The following ISCA2 variants were observed in gnomAD, a reference collection of about 807,000 sequenced individuals.
ISCA2 encodes the protein iron-sulfur cluster assembly 2 homolog, mitochondrial.
ISCA2 carries 21 observed loss-of-function variants against 19.1 expected under a neutral mutation model. The ratio of observed to expected loss-of-function variants is 1.10; its 90% CI spans 0.78 to 1.59. The LOEUF is 1.59. Among genes scored for constraint, ISCA2 ranks in the 40% most tolerant of loss-of-function variants. The pLI is 0.00. For synonymous variants in ISCA2, 107 were observed against 83.8 expected, an observed-to-expected ratio of 1.28 and a Z score of -1.51; for missense variants, 181 against 191.7, an observed-to-expected ratio of 0.94 and a Z score of 0.33.
At position 74,494,342 on chromosome 14, in the gene ISCA2, G is replaced by C; in HGVS notation, c.242G>C (p.Gly81Ala). The C allele has an allele frequency of 6.2e-7, 1 of 1,614,204 alleles. No individual in the cohort carries two copies. The highest frequency in any genetic ancestry group is 8.5e-7 in the Non-Finnish European group (1 of 1,180,026). ...RLQVEGGGCS[G>A]FQYKFSLDTV... The stretch of plus-strand genomic sequence containing the variant: ...CAAGTGGAGGGAGGTGGATGCTCCG[G>C]ATTCCAATACAAATTTTCACTGGAT... Residue 81 changes from glycine to alanine, a missense_variant, in exon 3 of 4, where the codon GGA becomes GCA. Transcript: ENST00000556816.
Position 74,496,296 on chromosome 14 carries a change from T to A in ISCA2, c.*1296T>A, listed in dbSNP as rs2086845803. The A allele has an allele frequency of 6.6e-6, 1 of 152,218 alleles. No homozygotes were observed. Among genetic ancestry groups the A allele is most frequent in the Admixed American group, 6.5e-5 (1 of 15,270 alleles). The allele number at this position is 152,218 out of a possible 1,614,324, so 9.4% of individuals were successfully genotyped here. On this transcript the variant is annotated 3_prime_UTR_variant, in exon 4 of 4. Coordinates refer to ENST00000556816, the MANE Select transcript of ISCA2 (RefSeq NM_194279.4). ...TGCACTGGATTGGAATTAAGGTCAT[T>A]TAGTAAGAATTTACTATTTAAAAAA...
rs564630404 is a variant in ISCA2, at chr14:74,495,556, C to T, written c.*556C>T. 1 of 152,232 alleles carries T rather than the reference C, an allele frequency of 6.6e-6. No homozygotes were observed. The highest frequency in any genetic ancestry group is 2.4e-5 in the African/African-American group (1 of 41,432). The allele number at this position is 152,232 out of a possible 1,614,324, so 9.4% of individuals were successfully genotyped here. ...TTTGATAGGACAGATACATTTTACT[C>T]TCATGCTCGTGGATCTGCTATGAGT... is the stretch of plus-strand genomic sequence containing the variant. On this transcript the variant is annotated 3_prime_UTR_variant, in exon 4 of 4. Transcript: ENST00000556816.
At position 74,495,547 on chromosome 14, in the gene ISCA2, C is replaced by T. The variant is rs894993813; in HGVS notation, c.*547C>T. ...CACTTCCTGTTTGATAGGACAGATA[C>T]ATTTTACTCTCATGCTCGTGGATCT... On this transcript the variant is annotated 3_prime_UTR_variant, in exon 4 of 4. Coordinates refer to ENST00000556816, the MANE Select transcript of ISCA2 (RefSeq NM_194279.4). 6.6e-6 allele frequency: 1 copy of T among 152,260 alleles called. No homozygotes were observed. The allele number at this position is 152,260 out of a possible 1,614,324, so 9.4% of individuals were successfully genotyped here. A position where few individuals can be genotyped will look rare whatever the true frequency, so the allele number is the denominator to read the frequency against.
chr14:74,494,767 CAG>C, intron 3 of ISCA2, 57 bp from the exon 4 acceptor site: 1 of 1,483,542 alleles, frequency 6.7e-7, no homozygotes, highest in East Asian at 2.3e-5. Context: ...CCTCTGGGCT[CAG>C]GGGGTGTCTT....
rs925358173 is a variant in ISCA2 at position 74,494,964 on chromosome 14, C to G, written c.429C>G (p.Gly143=). ...QVLNNPQAQQ[G]CSCGSSFSIK... ...TGAACAATCCTCAAGCACAGCAAGGCTGCTCCTGTGGGTCATCTTTCTCTA... is the reference window on the plus strand; with the variant it reads ...TGAACAATCCTCAAGCACAGCAAGGGTGCTCCTGTGGGTCATCTTTCTCTA... The change falls in exon 4 of 4, where the codon GGC becomes GGG. Residue 143 remains glycine (G), a synonymous_variant. Coordinates refer to ENST00000556816, the MANE Select transcript of ISCA2 (RefSeq NM_194279.4). 4 of 1,613,368 alleles carry G rather than the reference C, an allele frequency of 2.5e-6. No individual in the cohort carries two copies. The highest frequency in any genetic ancestry group is 2.5e-6 in the Non-Finnish European group (3 of 1,179,970).
chr14:74,494,722 G>A, intron 3 of ISCA2, 104 bp from the exon 4 acceptor site: 1 of 968,110 alleles, frequency 1.0e-6, no homozygotes, highest in South Asian at 1.6e-5. Context: ...TAATGGGGAA[G>A]CTCCCTCTGT....
rs1254968232 is a variant in ISCA2, at chr14:74,494,100, C to T, written c.122C>T (p.Ser41Phe). The T allele has an allele frequency of 7.6e-6, 12 of 1,571,924 alleles. No individual in the cohort carries two copies. The highest frequency in any genetic ancestry group is 1.8e-5 in the Admixed American group (1 of 54,886). Residue 41 changes from serine (S) to phenylalanine (F), a missense_variant, in exon 2 of 4, where the codon TCC (serine) becomes TTC (phenylalanine). Coordinates refer to ENST00000556816, the MANE Select transcript of ISCA2 (RefSeq NM_194279.4). ...GPQARREASS[S>F]SPEAGEGQIR... ...CAGGCGCGTCGGGAGGCGTCGTCCTCCAGCCCCGAGGCCGGCGAAGGGCAG... is the reference window on the plus strand; with the variant it reads ...CAGGCGCGTCGGGAGGCGTCGTCCTTCAGCCCCGAGGCCGGCGAAGGGCAG...
Position 74,495,618 on chromosome 14 carries a change from C to A in ISCA2, c.*618C>A, listed in dbSNP as rs1029656034. The A allele has an allele frequency of 6.6e-6, 1 of 152,166 alleles. No individual in the cohort carries two copies. The highest frequency in any genetic ancestry group is 1.5e-5 in the Non-Finnish European group (1 of 68,038). The allele number at this position is 152,166 out of a possible 1,614,324, so 9.4% of individuals were successfully genotyped here. A position where few individuals can be genotyped will look rare whatever the true frequency, so the allele number is the denominator to read the frequency against. On this transcript the variant is annotated 3_prime_UTR_variant, in exon 4 of 4. Coordinates refer to ENST00000556816, the MANE Select transcript of ISCA2 (RefSeq NM_194279.4). ...GAGCCCGTTACCCAGAAAACTTGGA[C>A]CAAACCCTCACTGATAGTGAATTAT...
rs934384792 is a variant in ISCA2 at position 74,493,766 on chromosome 14, T to G, written c.-9T>G. 3 of 1,514,572 alleles carry G rather than the reference T, an allele frequency of 2.0e-6. No individual in the cohort carries two copies. The highest frequency in any genetic ancestry group is 2.6e-5 in the Admixed American group (1 of 38,838). The allele number at this position is 1,514,572 out of a possible 1,614,324, so 93.8% of individuals were successfully genotyped here. On this transcript the variant is annotated 5_prime_UTR_variant, in exon 1 of 4. Coordinates refer to ENST00000556816, the MANE Select transcript of ISCA2 (RefSeq NM_194279.4). This position sits in a 1 kb window ranked among gnomAD's most constrained non-coding sequence, Gnocchi z 4.1. ...GGGGAGACGCGAGGGGCGGAGCTTG[T>G]GGAGGAAGATGGCTGCCGCCTGGGG...
chr14:74,496,183 C>G lies in ISCA2; in HGVS notation c.*1183C>G, dbSNP rs1421866873. Reference sequence around the variant, plus strand: ...ATTAATACTGATGTTGGAGAAACTACAACCAAGTTGATTCTGGAAGAGTTA... The same window carrying G: ...ATTAATACTGATGTTGGAGAAACTAGAACCAAGTTGATTCTGGAAGAGTTA... On this transcript the variant is annotated 3_prime_UTR_variant, in exon 4 of 4. Transcript: ENST00000556816. 6.6e-6 allele frequency: 1 copy of G among 152,212 alleles called. No homozygotes were observed. Among genetic ancestry groups the G allele is most frequent in the African/African-American group, 2.4e-5 (1 of 41,458 alleles). 9.4% of individuals were successfully genotyped at this position (152,212 alleles called of 1,614,324 possible).
intron 3 of ISCA2, 165 bp downstream of exon 3, chr14:74,494,555 A>G: frequency 1.5e-6 from 1 of 650,960 alleles, no homozygotes; most frequent in Non-Finnish European, 2.7e-6. Flanking sequence ...GAATCAAAGT[A>G]ACTAAGTTAT....
chr14:74,494,069 G>GT lies in ISCA2; in HGVS notation c.91_92insT (p.Gly31ValfsTer70). 1 of 1,548,000 alleles carries GT rather than the reference G, an allele frequency of 6.5e-7. No individual in the cohort carries two copies. The highest frequency in any genetic ancestry group is 1.2e-5 in the South Asian group (1 of 84,740). The stretch of plus-strand genomic sequence containing the variant: ...GCGCAGGCTCCTCACGGCCTCCCTG[G>GT]GACCCCAGGCGCGTCGGGAGGCGTC... On this transcript the variant is annotated frameshift_variant, in exon 2 of 4. Transcript: ENST00000556816. LOFTEE classifies it high-confidence loss of function.
Position 74,496,040 on chromosome 14 carries a change from TG to T in ISCA2, c.*1041del, listed in dbSNP as rs1215775083. The T allele has an allele frequency of 6.6e-6, 1 of 152,240 alleles. No individual in the cohort carries two copies. Among genetic ancestry groups the T allele is most frequent in the Non-Finnish European group, 1.5e-5 (1 of 68,042 alleles). The allele number at this position is 152,240 out of a possible 1,614,324, so 9.4% of individuals were successfully genotyped here. On this transcript the variant is annotated 3_prime_UTR_variant, in exon 4 of 4. Transcript: ENST00000556816. The stretch of plus-strand genomic sequence containing the variant: ...ACAAATTCTAGTGAATTAAAGTACT[TG>T]TGTAGGTGTGGCACTTAAATAGGCT...
At chr14:74,494,684 C>T in intron 3 of ISCA2, 142 bp from the exon 4 acceptor site, 1 of 700,134 alleles carries the variant, frequency 1.4e-6, no homozygotes, top group Non-Finnish European at 2.4e-6. Flanking sequence ...ATCATTTTGC[C>T]TCAAAGAAAA....
chr14:74,493,841 G>A lies in ISCA2; in HGVS notation c.67G>A (p.Gly23Ser). The A allele has an allele frequency of 1.3e-6, 2 of 1,559,442 alleles. No individual in the cohort carries two copies. The highest frequency in any genetic ancestry group is 1.7e-6 in the Non-Finnish European group (2 of 1,152,116). ...GAGAGCGGTCACTCCCTGGCCGAGG[G>A]GCAGGTACCAAGACTAGAAAGGCAC... ...TQRAVTPWPRGRLLTASLGPQ... is the reference protein window; with the variant it reads ...TQRAVTPWPRSRLLTASLGPQ... The change falls in exon 1 of 4, where the codon GGC (glycine) becomes AGC (serine). Residue 23 changes from glycine (G) to serine (S), a missense_variant. Gly to Ser is a moderately conservative substitution (Grantham distance 56). Transcript: ENST00000556816. The surrounding 1 kb of genome is among the most constrained non-coding windows in gnomAD (Gnocchi z 4.1).
Position 74,493,815 on chromosome 14 carries a change from A to T in ISCA2, c.41A>T (p.Gln14Leu), listed in dbSNP as rs1443774530. ...GGGTCGTCCCTAACGGCCGCGACGC[A>T]GAGAGCGGTCACTCCCTGGCCGAGG... ...AWGSSLTAAT[Q>L]RAVTPWPRGR... Residue 14 changes from glutamine (Q) to leucine (L), a missense_variant, in exon 1 of 4, where the codon CAG (glutamine) becomes CTG (leucine). Physicochemically the swap from Gln to Leu is moderately radical, Grantham distance 113. Coordinates refer to ENST00000556816, the MANE Select transcript of ISCA2 (RefSeq NM_194279.4). The surrounding 1 kb of genome is among the most constrained non-coding windows in gnomAD (Gnocchi z 4.1). 3 of 1,544,150 alleles carry T rather than the reference A, an allele frequency of 1.9e-6. No individual in the cohort carries two copies. The highest frequency in any genetic ancestry group is 1.7e-6 in the Non-Finnish European group (2 of 1,148,480).
At position 74,493,792 on chromosome 14, in the gene ISCA2, G is replaced by A. The variant is rs756787784; in HGVS notation, c.18G>A (p.Gly6=). The A allele has an allele frequency of 2.0e-6, 3 of 1,533,666 alleles. No homozygotes were observed. Among genetic ancestry groups the A allele is most frequent in the Non-Finnish European group, 2.6e-6 (3 of 1,143,020 alleles). Residue 6 remains glycine (G), a synonymous_variant, in exon 1 of 4, where the codon GGG becomes GGA. Coordinates refer to ENST00000556816, the MANE Select transcript of ISCA2 (RefSeq NM_194279.4). This position sits in a 1 kb window ranked among gnomAD's most constrained non-coding sequence, Gnocchi z 4.1. MAAAW[G]SSLTAATQRA... ...GGAGGAAGATGGCTGCCGCCTGGGG[G>A]TCGTCCCTAACGGCCGCGACGCAGA...
Position 74,495,067 on chromosome 14 carries a change from A to G in ISCA2, c.*67A>G. On this transcript the variant is annotated 3_prime_UTR_variant, in exon 4 of 4. Transcript: ENST00000556816. ...ATTTGAAGAACCTGGAATTAGTAGA[A>G]TTCTAGAAGTTTACTTCTAATCATG... is the stretch of plus-strand genomic sequence containing the variant. 2.5e-6 allele frequency: 3 copies of G among 1,204,268 alleles called. No homozygotes were observed. Among genetic ancestry groups the G allele is most frequent in the Non-Finnish European group, 3.6e-6 (3 of 830,182 alleles). 74.6% of individuals were successfully genotyped at this position (1,204,268 alleles called of 1,614,324 possible). A position where few individuals can be genotyped will look rare whatever the true frequency, so the allele number is the denominator to read the frequency against.
In ISCA2 at chr14:74,495,230, C is replaced by T; in HGVS notation, c.*230C>T. The T allele has an allele frequency of 2.2e-6, 1 of 464,412 alleles. No homozygotes were observed. The allele number at this position is 464,412 out of a possible 1,614,324, so 28.8% of individuals were successfully genotyped here. On this transcript the variant is annotated 3_prime_UTR_variant, in exon 4 of 4. Coordinates refer to ENST00000556816, the MANE Select transcript of ISCA2 (RefSeq NM_194279.4). ...GCTGAGCCTCCAGATGCTGTTACCT[C>T]AGATTTAATCACTGGTTGAAACTCC... is the stretch of plus-strand genomic sequence containing the variant.
Sources: allele counts gnomAD v4.1 joint callset, GRCh38; gene constraint gnomAD v4.1.1; non-coding constraint Gnocchi (gnomAD v3.1); transcripts MANE v1.5; gene names NCBI Gene and HGNC (gene_info 2026-07-23, HGNC 2026-07-21).